Variants in GPM6A observed in about 807,000 individuals in gnomAD.
The protein encoded by GPM6A is neuronal membrane glycoprotein M6-a.
In GPM6A, 7 loss-of-function variants were observed where a neutral mutation model predicts 32.1. The observed-to-expected ratio is 0.22, with a 90% CI of 0.12 to 0.41. GPM6A has a LOEUF of 0.41. Ranked by LOEUF, GPM6A falls within the 10% of genes least tolerant of loss-of-function variation. The probability of loss-of-function intolerance (pLI) is 1.00; values close to 1 mark genes in which losing one functional copy is unlikely to be tolerated. For missense variants in GPM6A, 235 were observed against 347.2 expected, an observed-to-expected ratio of 0.68 and a Z score of 2.57; for synonymous variants, 130 against 123.4, an observed-to-expected ratio of 1.05 and a Z score of -0.35.
At chr4:175,725,297 T>G (rs1441665765) in intron 1 of GPM6A, among the ~76,000 whole-genome samples, 5 of 6,430 alleles carry the variant, frequency 7.8e-4, no homozygotes, top group Admixed American at 2.9e-3. Flanking sequence ...GGGTTTTTGT[T>G]TTTTTTTTTT....
Position 175,912,059 on chromosome 4 carries a change from C to T in GPM6A, c.-23+90250G>A, listed in dbSNP as rs1738338134. Among the ~76,000 whole-genome samples the T allele has an allele frequency of 1.3e-5, 2 of 152,044 alleles. 1 individual carries two copies. Among genetic ancestry groups the T allele is most frequent in the South Asian group, 4.1e-4 (2 of 4,824 alleles). On this transcript the variant is annotated intron_variant, in intron 1 of 7. Transcript: ENST00000280187. ...GATACCATGCAGAAACAGGGAAGTT[C>T]ACACAGCAAAGGAATACAGAAAAGA...
intron 1 of GPM6A, among the ~76,000 whole-genome samples, chr4:175,707,815 G>A (rs547159701): frequency 2.0e-5 from 3 of 151,832 alleles, no homozygotes; most frequent in East Asian, 1.9e-4. Context: ...TGATGCTTGC[G>A]GTTGTTTTAT....
chr4:175,841,635 G>A (rs1579558951), intron 1 of GPM6A, among the ~76,000 whole-genome samples: 1 of 152,172 alleles, frequency 6.6e-6, no homozygotes, highest in East Asian at 1.9e-4. Context: ...TGTTGTTGTT[G>A]AAACATTCAG....
chr4:175,687,254 G>A (rs747334317), intron 2 of GPM6A, among the ~76,000 whole-genome samples: 4 of 152,104 alleles, frequency 2.6e-5, no homozygotes, highest in East Asian at 1.9e-4. Flanking sequence ...TAAGCACAAC[G>A]TGGTATAGCA....
chr4:175,758,606 G>A (rs530888095), intron 1 of GPM6A, among the ~76,000 whole-genome samples: 9 of 152,204 alleles, frequency 5.9e-5, no homozygotes, highest in East Asian at 3.9e-4. Flanking sequence ...AAAAATGACC[G>A]TTTTTTATAG....
At chr4:175,889,776 G>C (rs919314571) in intron 1 of GPM6A, among the ~76,000 whole-genome samples, 1 of 152,072 alleles carries the variant, frequency 6.6e-6, no homozygotes, top group Non-Finnish European at 1.5e-5. Flanking sequence ...TCGCGCCACT[G>C]CACTCCAGCC....
chr4:175,803,164 T>TTCATCATCA (rs5864348), intron 1 of GPM6A, among the ~76,000 whole-genome samples: 98 of 145,620 alleles, frequency 6.7e-4, no homozygotes, highest in African/African-American at 2.2e-3. Context: ...CTGTTCTCGT[T>TTCATCATCA]TCATCATCAT....
At chr4:175,911,057 G>A (rs1033461499) in intron 1 of GPM6A, among the ~76,000 whole-genome samples, 13 of 152,042 alleles carry the variant, frequency 8.6e-5, no homozygotes, top group East Asian at 1.9e-4. Flanking sequence ...CCTATGCCCC[G>A]ATAAACCAGG....
intron 1 of GPM6A, among the ~76,000 whole-genome samples, chr4:175,946,642 C>T (rs948457600): frequency 2.4e-4 from 36 of 152,006 alleles, no homozygotes; most frequent in African/African-American, 8.0e-4. Flanking sequence ...GAACAGGGAA[C>T]CGCAAGCACA....
At chr4:175,791,277 T>C (rs895164540) in intron 1 of GPM6A, among the ~76,000 whole-genome samples, 1 of 152,160 alleles carries the variant, frequency 6.6e-6, no homozygotes, top group African/African-American at 2.4e-5. Context: ...TGACAAGAAT[T>C]TAATAATGTT....
intron 1 of GPM6A, among the ~76,000 whole-genome samples, chr4:175,736,707 AGTT>A (rs1731675248): frequency 6.6e-6 from 1 of 152,254 alleles, no homozygotes; most frequent in African/African-American, 2.4e-5. Context: ...TTTAAAAGAT[AGTT>A]ATTAATTAGT....
intron 5 of GPM6A, among the ~76,000 whole-genome samples, chr4:175,640,500 C>A (rs1741078984): frequency 6.6e-6 from 1 of 152,100 alleles, no homozygotes; most frequent in African/African-American, 2.4e-5. Flanking sequence ...AAAACAACTT[C>A]ATCATGTTTT....
chr4:175,746,554 T>G (rs978056790), intron 1 of GPM6A, among the ~76,000 whole-genome samples: 2 of 152,194 alleles, frequency 1.3e-5, no homozygotes, highest in Admixed American at 1.3e-4. Flanking sequence ...GGTAAGTTTC[T>G]GAAGTGTGTA....
At chr4:175,817,317 T>A (rs984272520) in intron 1 of GPM6A, among the ~76,000 whole-genome samples, 1 of 152,214 alleles carries the variant, frequency 6.6e-6, no homozygotes, top group Non-Finnish European at 1.5e-5. Context: ...CCCCATTTCC[T>A]TTCATTCTGA....
chr4:175,988,795 G>A (rs1741051978), intron 1 of GPM6A, among the ~76,000 whole-genome samples: 1 of 152,162 alleles, frequency 6.6e-6, no homozygotes, highest in Non-Finnish European at 1.5e-5. Flanking sequence ...AACCAGCCAA[G>A]AGCCTAATTG....
At chr4:175,840,435 T>C (rs1034543302) in intron 1 of GPM6A, among the ~76,000 whole-genome samples, 7 of 152,294 alleles carry the variant, frequency 4.6e-5, no homozygotes, top group Non-Finnish European at 1.0e-4. Context: ...CCCAGCACTT[T>C]GGGAGACCGA....
chr4:175,946,496 T>C (rs1739610695), intron 1 of GPM6A, among the ~76,000 whole-genome samples: 1 of 152,102 alleles, frequency 6.6e-6, no homozygotes, highest in Non-Finnish European at 1.5e-5. Flanking sequence ...TAGATGATGG[T>C]AAGAGTTCTG....
intron 1 of GPM6A, among the ~76,000 whole-genome samples, chr4:175,740,218 A>G (rs1394498420): frequency 1.3e-5 from 2 of 152,070 alleles, no homozygotes; most frequent in African/African-American, 4.8e-5. Context: ...GTAGTCCAAT[A>G]TAGAAATTGT....
At chr4:175,951,668 T>G (rs927938801) in intron 1 of GPM6A, among the ~76,000 whole-genome samples, 2 of 152,232 alleles carry the variant, frequency 1.3e-5, no homozygotes, top group Non-Finnish European at 2.9e-5. Context: ...AACAATTTTC[T>G]GAAAAAATAT....
Sources: allele counts gnomAD v4.1 joint callset (sites outside exome capture counted in the v4.1 genomes callset), GRCh38; gene constraint gnomAD v4.1.1; transcripts MANE v1.5; gene names NCBI Gene and HGNC (gene_info 2026-07-23, HGNC 2026-07-21).